Variants in ANKRD17 observed in about 807,000 individuals in gnomAD.
ANKRD17 encodes the protein ankyrin repeat domain-containing protein 17.
In ANKRD17, 19 loss-of-function variants were observed where a neutral mutation model predicts 229.7. The ratio of observed to expected loss-of-function variants is 0.08; its 90% CI spans 0.06 to 0.12. The LOEUF (loss-of-function observed/expected upper bound fraction) is 0.12, where lower values mean the gene tolerates loss of function less well. Among genes scored for constraint, ANKRD17 ranks in the 10% least tolerant of loss-of-function variants. The probability of loss-of-function intolerance (pLI) is 1.00; values close to 1 mark genes in which losing one functional copy is unlikely to be tolerated. For missense variants in ANKRD17, 2,176 were observed against 3,176.8 expected, an observed-to-expected ratio of 0.68 and a Z score of 7.57; for synonymous variants, 1,112 against 1,146.1, an observed-to-expected ratio of 0.97 and a Z score of 0.60.
At chr4:73,117,575 T>A (rs1207955931) in intron 22 of ANKRD17, among the ~76,000 whole-genome samples, 1 of 152,018 alleles carries the variant, frequency 6.6e-6, no homozygotes, top group East Asian at 1.9e-4. Flanking sequence ...AAATACAGAG[T>A]CACTGGTAGT....
intron 1 of ANKRD17, among the ~76,000 whole-genome samples, chr4:73,203,716 G>T (rs1381727015): frequency 7.7e-6 from 1 of 129,944 alleles, no homozygotes; most frequent in Admixed American, 9.3e-5. Context: ...TCGAGATCAC[G>T]CCACTGCACT....
intron 1 of ANKRD17, among the ~76,000 whole-genome samples, chr4:73,231,301 G>C (rs981246799): frequency 3.3e-5 from 5 of 152,144 alleles, no homozygotes; most frequent in African/African-American, 1.2e-4. Context: ...AGCATCAAGG[G>C]CATGGAAAAT....
intron 1 of ANKRD17, among the ~76,000 whole-genome samples, chr4:73,190,801 C>A (rs1446849207): frequency 6.6e-6 from 1 of 151,182 alleles, no homozygotes; most frequent in Non-Finnish European, 1.5e-5. Flanking sequence ...TAATTCACAA[C>A]AACAAAAACA....
At chr4:73,101,983 T>A (rs977510996) in intron 25 of ANKRD17, among the ~76,000 whole-genome samples, 3 of 151,944 alleles carry the variant, frequency 2.0e-5, no homozygotes, top group Non-Finnish European at 4.4e-5. Flanking sequence ...CAGGCTGGAG[T>A]GCAGTGGTGC....
At chr4:73,254,337 C>A (rs919947089) in intron 1 of ANKRD17, among the ~76,000 whole-genome samples, 5 of 152,296 alleles carry the variant, frequency 3.3e-5, no homozygotes, top group Middle Eastern at 3.4e-3. Flanking sequence ...TCTAAAATTT[C>A]TTCACTAGGT....
chr4:73,189,445 G>A (rs1371798363), intron 1 of ANKRD17, among the ~76,000 whole-genome samples: 3 of 99,744 alleles, frequency 3.0e-5, no homozygotes, highest in Admixed American at 1.7e-4. Context: ...CCACTCTGTT[G>A]GAGTGCAGTG....
intron 2 of ANKRD17, among the ~76,000 whole-genome samples, chr4:73,173,901 G>A (rs1310515015): frequency 1.3e-5 from 2 of 152,058 alleles, no homozygotes; most frequent in East Asian, 3.9e-4. Flanking sequence ...GGGTCACAGG[G>A]TGAAAAAAGC....
chr4:73,250,812 T>C (rs2149281997), intron 1 of ANKRD17, among the ~76,000 whole-genome samples: 1 of 151,760 alleles, frequency 6.6e-6, no homozygotes, highest in East Asian at 2.0e-4. Context: ...GTTAAAGCAA[T>C]TCTCCTGCCT....
chr4:73,151,291 A>G, intron 7 of ANKRD17, 139 bp downstream of exon 7: 1 of 685,660 alleles, frequency 1.5e-6, no homozygotes, highest in African/African-American at 1.9e-5. Flanking sequence ...ACTTTAATAG[A>G]AGTTAATGTT....
chr4:73,130,932 T>G (rs1417673206), intron 16 of ANKRD17, among the ~76,000 whole-genome samples: 1 of 152,188 alleles, frequency 6.6e-6, no homozygotes, highest in African/African-American at 2.4e-5. Flanking sequence ...CTCTACATAA[T>G]TCCTCATTTC....
intron 16 of ANKRD17, among the ~76,000 whole-genome samples, chr4:73,134,542 T>C (rs1415560751): frequency 6.6e-6 from 1 of 152,152 alleles, no homozygotes; most frequent in Non-Finnish European, 1.5e-5. Flanking sequence ...TTATACTTAA[T>C]AGCTCTCAAA....
chr4:73,194,270 T>C (rs146881412), intron 1 of ANKRD17, among the ~76,000 whole-genome samples: 69 of 152,332 alleles, frequency 4.5e-4, no homozygotes, highest in Non-Finnish European at 6.6e-4. Context: ...AGGATAATTT[T>C]TGCACATAGT....
intron 23 of ANKRD17, 133 bp downstream of exon 23, chr4:73,115,688 T>C (rs1230216778): frequency 1.6e-6 from 1 of 608,822 alleles, no homozygotes; most frequent in East Asian, 2.6e-5. Context: ...TTAAATCGCA[T>C]ACTTCATTCC....
intron 16 of ANKRD17, among the ~76,000 whole-genome samples, chr4:73,134,021 A>G (rs1560570964): frequency 6.6e-6 from 1 of 152,176 alleles, no homozygotes; most frequent in Non-Finnish European, 1.5e-5. Flanking sequence ...TAGATGAGAC[A>G]ATTCCTTAAA....
chr4:73,209,828 A>T (rs918127167), intron 1 of ANKRD17, among the ~76,000 whole-genome samples: 4 of 152,180 alleles, frequency 2.6e-5, no homozygotes, highest in African/African-American at 9.7e-5. Flanking sequence ...CAATAACAGA[A>T]CAGTGGAAAA....
In ANKRD17 at chr4:73,099,298, A is replaced by G. The variant is rs541138828; in HGVS notation, c.4574-778T>C. ...CCATCCTTCCACCTGCACCCTCACC[A>G]CCACACTACACAGCACACCAGCCAC... On this transcript the variant is annotated intron_variant, in intron 25 of 33. Transcript: ENST00000358602. 6.1e-5 allele frequency among the ~76,000 whole-genome samples: 9 copies of G among 147,608 alleles called. No homozygotes were observed. The South Asian group carries it at 2.0e-3, about 32-fold the overall frequency.
intron 30 of ANKRD17, among the ~76,000 whole-genome samples, chr4:73,080,176 G>A (rs1160841308): frequency 6.6e-6 from 1 of 151,954 alleles, no homozygotes; most frequent in Non-Finnish European, 1.5e-5. Flanking sequence ...AATAATAAAG[G>A]AGTCTGAAGC....
chr4:73,191,337 ATATATGTGTG>A (rs1210771191), intron 1 of ANKRD17, among the ~76,000 whole-genome samples: 2 of 61,918 alleles, frequency 3.2e-5, no homozygotes, highest in African/African-American at 1.4e-4. Context: ...ACCAAAAAAT[ATATATGTGTG>A]TGTGTGTGTG....
At chr4:73,136,564 C>CA (rs1728919404) in intron 15 of ANKRD17, among the ~76,000 whole-genome samples, 2 of 151,878 alleles carry the variant, frequency 1.3e-5, no homozygotes, top group African/African-American at 4.8e-5. Context: ...CAAAACAAAA[C>CA]AAAACACTGT....
Sources: gnomAD v4.1 joint callset for allele counts (sites outside exome capture counted in the v4.1 genomes callset) on GRCh38, gnomAD v4.1.1 for gene constraint, MANE v1.5 for transcripts, NCBI Gene and HGNC (gene_info 2026-07-23, HGNC 2026-07-21) for gene names.